The following NAA40 variants were observed in gnomAD, a reference collection of about 807,000 sequenced individuals.
NAA40 encodes N-alpha-acetyltransferase 40, NatD catalytic subunit.
A neutral mutation model predicts 36.6 loss-of-function variants in NAA40; 26 were observed. That is an observed-to-expected ratio of 0.71 (90% CI 0.52 to 0.98). NAA40 has a LOEUF of 0.98. NAA40 is among the 50% of genes least tolerant of loss of function. NAA40 has a pLI of 0.00. For synonymous variants in NAA40, 129 were observed against 108.4 expected (o/e 1.19, Z -1.18); for missense variants, 237 against 306.5 (o/e 0.77, Z 1.69).
At chr11:63,949,026 A>T (rs574444819) in intron 3 of NAA40, among the ~76,000 whole-genome samples, 1 of 152,048 alleles carries the variant, frequency 6.6e-6, no homozygotes, top group East Asian at 1.9e-4. Context: ...ACAAAAAAAA[A>T]ATTTTTTTAA....
chr11:63,951,775 G>T (rs1490283761), intron 3 of NAA40, among the ~76,000 whole-genome samples: 1 of 152,270 alleles, frequency 6.6e-6, no homozygotes, highest in East Asian at 1.9e-4. Context: ...TTTTGAAGGC[G>T]CAATTGGTAG....
chr11:63,939,065 TGAA>T lies in NAA40; in HGVS notation c.-24_-22del, dbSNP rs746521848. On this transcript the variant is annotated 5_prime_UTR_variant, in exon 1 of 8. Transcript: ENST00000377793. ...TGCCGCCTCCCTGCCGGCAAGTGTG[TGAA>T]GAAGAAGCTGAGCGTTGTCGCCGCC... 488 of 1,599,360 alleles carry T rather than the reference TGAA, an allele frequency of 3.1e-4. 1 individual carries two copies. Among genetic ancestry groups the T allele is most frequent in the African/African-American group, 2.9e-3 (208 of 71,876 alleles).
chr11:63,954,526 T>A lies in NAA40; in HGVS notation c.*47T>A. 6.5e-7 allele frequency: 1 copy of A among 1,534,294 alleles called. No individual in the cohort carries two copies. Among genetic ancestry groups the A allele is most frequent in the Non-Finnish European group, 8.8e-7 (1 of 1,140,398 alleles). On this transcript the variant is annotated 3_prime_UTR_variant, in exon 8 of 8. Transcript: ENST00000377793. ...TCACAATGCTCTCTCCTAAGGCCTT[T>A]CCTCTTTCCTGGTCTCACTGTTCAC...
At chr11:63,939,736 G>A (rs1942075923) in intron 1 of NAA40, among the ~76,000 whole-genome samples, 1 of 152,144 alleles carries the variant, frequency 6.6e-6, no homozygotes. Context: ...GCAATGAAAT[G>A]GTTCTTACGA....
chr11:63,949,371 G>A (rs575229641), intron 3 of NAA40, among the ~76,000 whole-genome samples: 1 of 152,162 alleles, frequency 6.6e-6, no homozygotes, highest in East Asian at 1.9e-4. Context: ...CTGTGTAGTG[G>A]TGGGGTTGGG....
rs192082295 is a variant in NAA40 at position 63,948,023 on chromosome 11, T to G, written c.155+1020T>G. 9.2e-5 allele frequency among the ~76,000 whole-genome samples: 14 copies of G among 152,006 alleles called. No individual in the cohort carries two copies. The East Asian group carries it at 2.7e-3, about 29-fold the overall frequency. ...GTGTGAGCCACTGCGCCCAGCTAAT[T>G]TTTGTATTTTTAGTAGAGATGGGGT... On this transcript the variant is annotated intron_variant, in intron 3 of 7. Coordinates refer to ENST00000377793, the MANE Select transcript of NAA40 (RefSeq NM_024771.4).
intron 1 of NAA40, among the ~76,000 whole-genome samples, chr11:63,944,041 A>T (rs544016867): frequency 6.6e-6 from 1 of 152,316 alleles, no homozygotes; most frequent in South Asian, 2.1e-4. Context: ...GCGCTCAGCC[A>T]TGAGATAATT....
intron 6 of NAA40, among the ~76,000 whole-genome samples, chr11:63,953,045 CTTTTTTTT>C (rs34261976): frequency 4.7e-5 from 5 of 106,832 alleles, no homozygotes; most frequent in Admixed American, 1.1e-4. Flanking sequence ...CAGTGAACAT[CTTTTTTTT>C]TTTTTTTTTT....
rs770795257 is a variant in NAA40 at position 63,954,452 on chromosome 11, T to G, written c.687T>G (p.Gly229=). ...KFGDSHHSHA[G]GHCGGCCH is the part of the protein sequence containing the mutation. ...GGGACAGCCATCACTCCCACGCGGGTGGGCACTGTGGTGGCTGCTGCCACT... is the reference window on the plus strand; with the variant it reads ...GGGACAGCCATCACTCCCACGCGGGGGGGCACTGTGGTGGCTGCTGCCACT... Residue 229 remains glycine (G), a synonymous_variant, in exon 8 of 8, where the codon GGT becomes GGG. Transcript: ENST00000377793. The G allele has an allele frequency of 7.5e-6, 12 of 1,607,188 alleles. No individual in the cohort carries two copies. In the African/African-American group the frequency reaches 1.5e-4, roughly 20 times the overall value.
chr11:63,952,448 G>T lies in NAA40; in HGVS notation c.293G>T (p.Arg98Leu). 6.2e-7 allele frequency: 1 copy of T among 1,614,206 alleles called. No individual in the cohort carries two copies. The highest frequency in any genetic ancestry group is 1.1e-5 in the South Asian group (1 of 91,084). The change falls in exon 5 of 8, where the codon CGG (arginine) becomes CTG (leucine). Residue 98 changes from arginine (R) to leucine (L), a missense_variant. Arg to Leu is a moderately radical substitution (Grantham distance 102). Transcript: ENST00000377793. Reference protein sequence around the residue: ...SEWGWKDREKREEMTDDRAWY... With the variant: ...SEWGWKDREKLEEMTDDRAWY... ...TGGGGCTGGAAGGACCGAGAGAAAC[G>T]GGAGGAAATGACAGATGACCGAGCC... is the stretch of plus-strand genomic sequence containing the variant.
chr11:63,939,419 G>A, intron 1 of NAA40: 1 of 1,139,476 alleles, frequency 8.8e-7, no homozygotes, highest in Non-Finnish European at 1.1e-6. Flanking sequence ...TTAGCTTCCC[G>A]CTCCCCCAGG....
rs776453438 is a variant in NAA40, at chr11:63,954,460, G to C, written c.695G>C (p.Cys232Ser). 3.1e-6 allele frequency: 5 copies of C among 1,602,022 alleles called. No homozygotes were observed. The highest frequency in any genetic ancestry group is 4.3e-6 in the Non-Finnish European group (5 of 1,175,348). Residue 232 changes from cysteine to serine, a missense_variant, in exon 8 of 8, where the codon TGT becomes TCT. By Grantham distance (112) the Cys-to-Ser change is moderately radical (BLOSUM62 -1). Coordinates refer to ENST00000377793, the MANE Select transcript of NAA40 (RefSeq NM_024771.4). ...CATCACTCCCACGCGGGTGGGCACT[G>C]TGGTGGCTGCTGCCACTGAACTCTC... ...DSHHSHAGGH[C>S]GGCCH
chr11:63,946,542 T>C, intron 2 of NAA40: 1 of 1,163,430 alleles, frequency 8.6e-7, no homozygotes, highest in Non-Finnish European at 1.1e-6. Context: ...TGGTCATTCT[T>C]TTAACCCACT....
At chr11:63,948,029 A>G (rs1353336387) in intron 3 of NAA40, among the ~76,000 whole-genome samples, 1 of 150,062 alleles carries the variant, frequency 6.7e-6, no homozygotes, top group African/African-American at 2.5e-5. Flanking sequence ...TAATTTTTGT[A>G]TTTTTAGTAG....
intron 3 of NAA40, among the ~76,000 whole-genome samples, chr11:63,948,339 G>A (rs1437872170): frequency 6.6e-6 from 1 of 152,052 alleles, no homozygotes; most frequent in East Asian, 1.9e-4. Context: ...TTCCAATCTA[G>A]TGCTCTTTCC....
chr11:63,953,475 G>C (rs1342783810), intron 6 of NAA40, among the ~76,000 whole-genome samples: 1 of 152,244 alleles, frequency 6.6e-6, no homozygotes, highest in Non-Finnish European at 1.5e-5. Context: ...TGTGCAGTCT[G>C]ATCAGCCTGT....
intron 1 of NAA40, chr11:63,939,556 G>C (rs550943330): frequency 2.9e-5 from 27 of 942,960 alleles, no homozygotes; most frequent in Middle Eastern, 5.5e-4. Context: ...GGGGGCGTCA[G>C]ACCCCACCTT....
In NAA40 at chr11:63,952,395, C is replaced by T; in HGVS notation, c.252-12C>T. 6.2e-7 allele frequency: 1 copy of T among 1,613,536 alleles called. No homozygotes were observed. Among genetic ancestry groups the T allele is most frequent in the Non-Finnish European group, 8.5e-7 (1 of 1,179,452 alleles). ...CGCAGCTTTCCCGTCTGACTGCTCC[C>T]AAATTCCCCAGGTATGAGCAGAGCG... On this transcript the variant is annotated splice_polypyrimidine_tract_variant and intron_variant, in intron 4 of 7. Coordinates refer to ENST00000377793, the MANE Select transcript of NAA40 (RefSeq NM_024771.4).
intron 2 of NAA40, 131 bp from the exon 3 acceptor site, chr11:63,946,820 C>T (rs927901155): frequency 6.3e-7 from 1 of 1,575,294 alleles, no homozygotes; most frequent in Non-Finnish European, 8.6e-7. Flanking sequence ...TGGGAGGCTG[C>T]TCCTGGTTCT....
Sources: allele counts gnomAD v4.1 joint callset (sites outside exome capture counted in the v4.1 genomes callset), GRCh38; gene constraint gnomAD v4.1.1; transcripts MANE v1.5; gene names NCBI Gene and HGNC (gene_info 2026-07-23, HGNC 2026-07-21).